KAZN: variants seen among roughly 807,000 people sequenced by gnomAD.
KAZN encodes kazrin, periplakin interacting protein.
Under a neutral mutation model 87.4 loss-of-function variants are expected in KAZN, and 40 were observed. The observed-to-expected ratio is 0.46, with a 90% CI of 0.36 to 0.60. The LOEUF (loss-of-function observed/expected upper bound fraction) is 0.60. Among genes scored for constraint, KAZN ranks in the 20% least tolerant of loss-of-function variants. The probability of loss-of-function intolerance (pLI) is 0.00; values close to 1 mark genes in which losing one functional copy is unlikely to be tolerated. For missense variants in KAZN, 898 were observed against 1,073.9 expected, an observed-to-expected ratio of 0.84 and a Z score of 2.29; for synonymous variants, 466 against 458.3, an observed-to-expected ratio of 1.02 and a Z score of -0.22.
At chr1:14,568,242 G>A (rs1392537698) in intron 2 of KAZN, among the ~76,000 whole-genome samples, 1 of 152,128 alleles carries the variant, frequency 6.6e-6, no homozygotes, top group Non-Finnish European at 1.5e-5. Context: ...CCACATTGAA[G>A]GGAGTGACAA....
intron 2 of KAZN, among the ~76,000 whole-genome samples, chr1:14,590,098 C>A (rs939305724): frequency 2.6e-5 from 4 of 152,052 alleles, no homozygotes; most frequent in African/African-American, 9.7e-5. Flanking sequence ...TTAAAAATAG[C>A]CCCCTACCCT....
intron 1 of KAZN, among the ~76,000 whole-genome samples, chr1:14,052,594 A>T (rs952345708): frequency 6.6e-6 from 1 of 151,812 alleles, no homozygotes; most frequent in Non-Finnish European, 1.5e-5. Context: ...ACTGTGTGCT[A>T]TGTGGGGTCA....
intron 2 of KAZN, among the ~76,000 whole-genome samples, chr1:14,312,249 C>T (rs1455506214): frequency 5.9e-5 from 9 of 152,084 alleles, no homozygotes; most frequent in African/African-American, 1.9e-4. Context: ...TTCATTTCCT[C>T]AAAACACCTG....
rs149576112 is a variant in KAZN, at chr1:14,757,755, G to A, written c.226+158532G>A. Among the ~76,000 whole-genome samples, 4 of 152,294 alleles carry A rather than the reference G, an allele frequency of 2.6e-5. No homozygotes were observed. In the East Asian group the frequency reaches 7.7e-4, roughly 29 times the overall value. On this transcript the variant is annotated intron_variant, in intron 1 of 14. Coordinates refer to ENST00000376030, the MANE Select transcript of KAZN (RefSeq NM_201628.3). ...TCAAGATCTCTCCCATGGGCTCAAGGATCTCTTCTGATGCCTTCTCATGGG... is the reference window on the plus strand; with the variant it reads ...TCAAGATCTCTCCCATGGGCTCAAGAATCTCTTCTGATGCCTTCTCATGGG...
chr1:13,958,733 C>A (rs369201630), intron 1 of KAZN, among the ~76,000 whole-genome samples: 26 of 151,916 alleles, frequency 1.7e-4, no homozygotes, highest in African/African-American at 6.0e-4. Context: ...GCCCTGTGGG[C>A]AGATAGATAC....
chr1:14,158,169 A>G (rs1645636156), intron 1 of KAZN, among the ~76,000 whole-genome samples: 1 of 152,126 alleles, frequency 6.6e-6, no homozygotes, highest in African/African-American at 2.4e-5. Context: ...GTTCTCTGTT[A>G]TTATCCCTTT....
chr1:14,051,398 T>A (rs1309956727), intron 1 of KAZN, among the ~76,000 whole-genome samples: 7 of 151,772 alleles, frequency 4.6e-5, no homozygotes, highest in Non-Finnish European at 1.0e-4. Flanking sequence ...GGAGTCTGGG[T>A]TTTTTCTTTA....
intron 2 of KAZN, among the ~76,000 whole-genome samples, chr1:14,980,765 G>T (rs1342735567): frequency 6.6e-6 from 1 of 152,150 alleles, no homozygotes; most frequent in Admixed American, 6.5e-5. Flanking sequence ...GCAGGAAGCC[G>T]AGGCAGAGAA....
chr1:14,691,743 TC>T (rs1641323450), intron 1 of KAZN, among the ~76,000 whole-genome samples: 1 of 152,122 alleles, frequency 6.6e-6, no homozygotes, highest in African/African-American at 2.4e-5. Context: ...CGCCTCAGCC[TC>T]CCAGAGTGCC....
chr1:14,550,703 T>TTGTCTCTCTC (rs1673444143), intron 2 of KAZN, among the ~76,000 whole-genome samples: 1 of 38,590 alleles, frequency 2.6e-5, no homozygotes, highest in Non-Finnish European at 5.1e-5. Flanking sequence ...CTCTCCTCTT[T>TTGTCTCTCTC]TCTCTCTCTC....
chr1:14,633,724 A>G (rs146928896), intron 1 of KAZN, among the ~76,000 whole-genome samples: 1 of 152,246 alleles, frequency 6.6e-6, no homozygotes, highest in Non-Finnish European at 1.5e-5. Flanking sequence ...CTCACAGAAC[A>G]TTATCCATCC....
At chr1:15,061,161 ATTAC>A (rs1366335603) in intron 6 of KAZN, 1 of 152,264 alleles carries the variant, frequency 6.6e-6, no homozygotes, top group African/African-American at 2.4e-5. Flanking sequence ...GGACAAAACC[ATTAC>A]TTGCCAGTGA....
intron 2 of KAZN, among the ~76,000 whole-genome samples, chr1:14,574,157 G>A (rs533034565): frequency 3.9e-4 from 59 of 152,268 alleles, no homozygotes; most frequent in African/African-American, 8.7e-4. Flanking sequence ...GAACAGGAAG[G>A]AAGAAAGTGA....
intron 1 of KAZN, among the ~76,000 whole-genome samples, chr1:14,823,165 C>T (rs941708311): frequency 1.3e-5 from 2 of 152,208 alleles, no homozygotes; most frequent in Non-Finnish European, 2.9e-5. Context: ...CCCGTCGCCT[C>T]GGCCACACAT....
At chr1:14,269,778 C>T (rs1651777408) in intron 2 of KAZN, among the ~76,000 whole-genome samples, 1 of 152,132 alleles carries the variant, frequency 6.6e-6, no homozygotes, top group Admixed American at 6.5e-5. Flanking sequence ...GCAGGATCAC[C>T]TGAGGTGAGG....
chr1:13,926,308 A>T (rs1252462872), intron 1 of KAZN, among the ~76,000 whole-genome samples: 1 of 151,740 alleles, frequency 6.6e-6, no homozygotes, highest in African/African-American at 2.4e-5. Flanking sequence ...TGAACACTGC[A>T]CCTCCCTGCT....
At chr1:14,499,883 C>T (rs978304203) in intron 2 of KAZN, among the ~76,000 whole-genome samples, 2 of 152,082 alleles carry the variant, frequency 1.3e-5, no homozygotes, top group African/African-American at 2.4e-5. Flanking sequence ...TGCCCCTGGC[C>T]GAGCTCTGCA....
chr1:14,696,765 A>C (rs1010931259), intron 1 of KAZN, among the ~76,000 whole-genome samples: 1 of 152,206 alleles, frequency 6.6e-6, no homozygotes, highest in Non-Finnish European at 1.5e-5. Context: ...ACAAGCTCCC[A>C]GCGAGGCTGA....
intron 2 of KAZN, among the ~76,000 whole-genome samples, chr1:14,286,856 C>T (rs1392346733): frequency 6.6e-6 from 1 of 152,048 alleles, no homozygotes; most frequent in African/African-American, 2.4e-5. Context: ...ATTTGTAGGC[C>T]TGTGGCTATT....
Sources: gnomAD v4.1 joint callset for allele counts (sites outside exome capture counted in the v4.1 genomes callset) on GRCh38, gnomAD v4.1.1 for gene constraint, MANE v1.5 for transcripts, NCBI Gene and HGNC (gene_info 2026-07-23, HGNC 2026-07-21) for gene names.